The following CCBE1 variants were observed in gnomAD, a reference collection of about 807,000 sequenced individuals.
CCBE1 encodes collagen and calcium binding EGF domains 1.
Under a neutral mutation model 50.0 loss-of-function variants are expected in CCBE1, and 37 were observed. The observed-to-expected ratio is 0.74, with a 90% CI of 0.57 to 0.97. The LOEUF (loss-of-function observed/expected upper bound fraction) is 0.97. Ranked by LOEUF, CCBE1 falls within the 50% of genes least tolerant of loss-of-function variation. The probability of loss-of-function intolerance (pLI) is 0.00; values close to 1 mark genes in which losing one functional copy is unlikely to be tolerated. For synonymous variants in CCBE1, 234 were observed against 203.7 expected, an observed-to-expected ratio of 1.15 and a Z score of -1.27; for missense variants, 538 against 523.8, an observed-to-expected ratio of 1.03 and a Z score of -0.26.
At chr18:59,442,156 G>A (rs545792802) in intron 7 of CCBE1, among the ~76,000 whole-genome samples, 14 of 152,106 alleles carry the variant, frequency 9.2e-5, no homozygotes, top group Admixed American at 5.9e-4. Flanking sequence ...CTCCCCCGTC[G>A]TACCAACAAC....
intron 2 of CCBE1, among the ~76,000 whole-genome samples, chr18:59,599,345 C>T (rs2053399494): frequency 6.6e-6 from 1 of 152,124 alleles, no homozygotes; most frequent in Non-Finnish European, 1.5e-5. Flanking sequence ...AATATATATG[C>T]AAGCACTCAG....
chr18:59,617,640 T>G (rs1205358951), intron 2 of CCBE1, among the ~76,000 whole-genome samples: 2 of 152,242 alleles, frequency 1.3e-5, no homozygotes, highest in East Asian at 3.8e-4. Flanking sequence ...GCAATGCCCC[T>G]GCCGCTCTGG....
At chr18:59,538,980 C>T (rs1471926983) in intron 2 of CCBE1, among the ~76,000 whole-genome samples, 1 of 151,800 alleles carries the variant, frequency 6.6e-6, no homozygotes, top group Non-Finnish European at 1.5e-5. Context: ...GAGTTTGAGA[C>T]CAGCCTGGGC....
chr18:59,559,581 C>A (rs139938872), intron 2 of CCBE1, among the ~76,000 whole-genome samples: 2 of 152,326 alleles, frequency 1.3e-5, no homozygotes, highest in African/African-American at 4.8e-5. Flanking sequence ...TTACAGCTGG[C>A]GGAAGCATAA....
chr18:59,442,918 C>G (rs1299404944), intron 7 of CCBE1, among the ~76,000 whole-genome samples: 1 of 152,144 alleles, frequency 6.6e-6, no homozygotes, highest in African/African-American at 2.4e-5. Flanking sequence ...TCCCTTGTTT[C>G]TAACTGCTCC....
intron 2 of CCBE1, among the ~76,000 whole-genome samples, chr18:59,686,855 A>G (rs888325097): frequency 7.2e-5 from 11 of 152,328 alleles, no homozygotes; most frequent in Admixed American, 2.0e-4. Flanking sequence ...AAACCCTTCA[A>G]ACTTTCTCAG....
intron 2 of CCBE1, among the ~76,000 whole-genome samples, chr18:59,579,261 A>G (rs1225956055): frequency 2.6e-5 from 4 of 152,174 alleles, no homozygotes; most frequent in Admixed American, 2.6e-4. Flanking sequence ...CAAAAGAAAT[A>G]CTGCAGGAAA....
At position 59,615,038 on chromosome 18, in the gene CCBE1, G is replaced by C. The variant is rs117986273; in HGVS notation, c.212+81591C>G. On this transcript the variant is annotated intron_variant, in intron 2 of 10. Coordinates refer to ENST00000439986, the MANE Select transcript of CCBE1 (RefSeq NM_133459.4). ...TTAATACATCCAATGACAAATGCCT[G>C]ACAACTATGTGTCCACTTTTCTCTC... Among the ~76,000 whole-genome samples the C allele has an allele frequency of 3.3e-3, 496 of 152,292 alleles. 2 individuals are homozygous for C. Among genetic ancestry groups the C allele is most frequent in the Admixed American group, 5.4e-3 (82 of 15,302 alleles).
intron 2 of CCBE1, among the ~76,000 whole-genome samples, chr18:59,497,058 A>G (rs1913388770): frequency 6.6e-6 from 1 of 152,248 alleles, no homozygotes; most frequent in Non-Finnish European, 1.5e-5. Context: ...TGAACATTAA[A>G]TGAGATACGT....
intron 4 of CCBE1, among the ~76,000 whole-genome samples, chr18:59,467,339 G>T (rs1911798324): frequency 6.6e-6 from 1 of 152,136 alleles, no homozygotes; most frequent in Non-Finnish European, 1.5e-5. Flanking sequence ...TTCCCTTTAT[G>T]GTATAGGTTC....
intron 2 of CCBE1, among the ~76,000 whole-genome samples, chr18:59,524,763 T>C (rs1318110540): frequency 7.0e-6 from 1 of 143,820 alleles, no homozygotes; most frequent in Non-Finnish European, 1.5e-5. Context: ...CACCCCTCGA[T>C]AGGCCCCAGT....
At chr18:59,516,186 T>C (rs976155902) in intron 2 of CCBE1, among the ~76,000 whole-genome samples, 6 of 152,078 alleles carry the variant, frequency 3.9e-5, no homozygotes. Flanking sequence ...CTCAAACTCC[T>C]GACCTCAAGT....
intron 2 of CCBE1, among the ~76,000 whole-genome samples, chr18:59,579,399 TAAAA>T (rs111786909): frequency 1.4e-5 from 2 of 140,986 alleles, no homozygotes; most frequent in African/African-American, 5.1e-5. Context: ...TGGGGATCTT[TAAAA>T]AAAAAAAAAA....
intron 2 of CCBE1, among the ~76,000 whole-genome samples, chr18:59,670,702 C>T (rs1348718792): frequency 6.6e-6 from 1 of 152,132 alleles, no homozygotes; most frequent in Non-Finnish European, 1.5e-5. Context: ...AATCCCAGAA[C>T]TTTGGGAGGC....
chr18:59,514,264 C>T (rs1914264229), intron 2 of CCBE1, among the ~76,000 whole-genome samples: 3 of 152,138 alleles, frequency 2.0e-5, no homozygotes, highest in African/African-American at 7.2e-5. Flanking sequence ...TTTACCGTAT[C>T]CAATACACTG....
intron 2 of CCBE1, among the ~76,000 whole-genome samples, chr18:59,669,536 A>G (rs2054404155): frequency 6.6e-6 from 1 of 152,254 alleles, no homozygotes; most frequent in South Asian, 2.1e-4. Context: ...TGGGGAACAC[A>G]TGGACATTGC....
chr18:59,695,430 C>T (rs1318603873), intron 2 of CCBE1, among the ~76,000 whole-genome samples: 1 of 152,142 alleles, frequency 6.6e-6, no homozygotes, highest in Non-Finnish European at 1.5e-5. Flanking sequence ...TCAGCATTCA[C>T]CCCCCGCACA....
At chr18:59,611,603 G>A (rs1163023152) in intron 2 of CCBE1, among the ~76,000 whole-genome samples, 1 of 152,100 alleles carries the variant, frequency 6.6e-6, no homozygotes, top group African/African-American at 2.4e-5. Flanking sequence ...AAAAATAGCT[G>A]GGCATGGTGG....
At chr18:59,562,980 C>A (rs560369633) in intron 2 of CCBE1, among the ~76,000 whole-genome samples, 1 of 152,336 alleles carries the variant, frequency 6.6e-6, no homozygotes, top group South Asian at 2.1e-4. Context: ...TCACGGATTG[C>A]TTAAGCCCAA....
Sources: gnomAD v4.1 joint callset for allele counts (sites outside exome capture counted in the v4.1 genomes callset) on GRCh38, gnomAD v4.1.1 for gene constraint, MANE v1.5 for transcripts, NCBI Gene and HGNC (gene_info 2026-07-23, HGNC 2026-07-21) for gene names.